Variants in ADTRP observed in about 807,000 individuals in gnomAD.
The protein encoded by ADTRP is androgen-dependent TFPI-regulating protein.
In ADTRP, 20 loss-of-function variants were observed where a neutral mutation model predicts 27.0. The observed-to-expected ratio is 0.74, with a 90% CI of 0.52 to 1.08. ADTRP has a LOEUF of 1.08. Among genes scored for constraint, ADTRP ranks in the 50% least tolerant of loss-of-function variants. ADTRP has a pLI of 0.00. For synonymous variants in ADTRP, 101 were observed against 105.2 expected, an observed-to-expected ratio of 0.96 and a Z score of 0.25; for missense variants, 251 against 275.0, an observed-to-expected ratio of 0.91 and a Z score of 0.62.
chr6:11,744,641 C>T (rs1046706616), intron 3 of ADTRP, among the ~76,000 whole-genome samples: 2 of 152,202 alleles, frequency 1.3e-5, no homozygotes, highest in African/African-American at 4.8e-5. Flanking sequence ...CATGCCCCTC[C>T]TCTTCATCAA....
rs779358203 is a variant in ADTRP at position 11,766,379 on chromosome 6, GAAAATAAAACACAA to G, written c.289-18_289-5del. ...TCCAGAATGCCAAAAATACAAACTG[GAAAATAAAACACAA>G]AAAATAGCATCATTAGGCTTGTTTT... On this transcript the variant is annotated splice_polypyrimidine_tract_variant and splice_region_variant and intron_variant, in intron 2 of 5. Coordinates refer to ENST00000414691, the MANE Select transcript of ADTRP (RefSeq NM_032744.4). 1 of 1,604,322 alleles carries G rather than the reference GAAAATAAAACACAA, an allele frequency of 6.2e-7. No individual in the cohort carries two copies. Among genetic ancestry groups the G allele is most frequent in the Non-Finnish European group, 8.5e-7 (1 of 1,173,316 alleles).
intron 5 of ADTRP, among the ~76,000 whole-genome samples, chr6:11,716,134 A>T (rs867612896): frequency 2.6e-5 from 4 of 152,212 alleles, no homozygotes; most frequent in African/African-American, 9.7e-5. Context: ...CAAGAGGGAC[A>T]ATATAAACTT....
At chr6:11,764,361 A>G (rs1763485903) in intron 3 of ADTRP, among the ~76,000 whole-genome samples, 3 of 152,216 alleles carry the variant, frequency 2.0e-5, no homozygotes, top group African/African-American at 7.2e-5. Context: ...AGTCATTGTG[A>G]AAAAAGCTAC....
intron 5 of ADTRP, among the ~76,000 whole-genome samples, chr6:11,721,275 C>A (rs921687429): frequency 2.6e-5 from 4 of 152,158 alleles, no homozygotes; most frequent in African/African-American, 9.7e-5. Flanking sequence ...GGAAAACCAG[C>A]AGTTTGGTGC....
At chr6:11,768,222 G>T in intron 2 of ADTRP, 27 bp downstream of exon 2, 1 of 1,613,392 alleles carries the variant, frequency 6.2e-7, no homozygotes, top group Non-Finnish European at 8.5e-7. Context: ...ATTTCTGTTA[G>T]ATTATGTACA....
At chr6:11,720,802 T>C (rs2113872075) in intron 5 of ADTRP, among the ~76,000 whole-genome samples, 1 of 152,274 alleles carries the variant, frequency 6.6e-6, no homozygotes, top group Admixed American at 6.5e-5. Flanking sequence ...CGCCTTGTCA[T>C]CACCCTCCTA....
Position 11,714,388 on chromosome 6 carries a change from C to T in ADTRP, c.*90G>A. The T allele has an allele frequency of 1.4e-6, 2 of 1,468,666 alleles. No individual in the cohort carries two copies. Among genetic ancestry groups the T allele is most frequent in the Non-Finnish European group, 1.9e-6 (2 of 1,075,374 alleles). 91.0% of individuals were successfully genotyped at this position (1,468,666 alleles called of 1,614,324 possible). ...TCCCTCCTACTTTGCTATGTTCCTC[C>T]ACCACCTCCCTCCACCAGAAAAAAA... On this transcript the variant is annotated 3_prime_UTR_variant, in exon 6 of 6. Coordinates refer to ENST00000414691, the MANE Select transcript of ADTRP (RefSeq NM_032744.4).
rs187945502 is a variant in ADTRP, at chr6:11,713,781, G to A, written c.*697C>T. 4 of 152,320 alleles carry A rather than the reference G, an allele frequency of 2.6e-5. No homozygotes were observed. In the East Asian group the frequency reaches 7.7e-4, roughly 29 times the overall value. 9.4% of individuals were successfully genotyped at this position (152,320 alleles called of 1,614,324 possible). The stretch of plus-strand genomic sequence containing the variant: ...ACCTGCCCTGAATGCTTGCTCAGAA[G>A]AGAAACAGATTTCCCAGTATTTTTT... On this transcript the variant is annotated 3_prime_UTR_variant, in exon 6 of 6. Coordinates refer to ENST00000414691, the MANE Select transcript of ADTRP (RefSeq NM_032744.4).
intron 4 of ADTRP, 72 bp downstream of exon 4, chr6:11,735,491 AACAGT>A: frequency 2.0e-6 from 2 of 1,004,982 alleles, no homozygotes; most frequent in Admixed American, 4.2e-5. Context: ...ATTCTGACAG[AACAGT>A]ACACATTTCT....
intron 3 of ADTRP, among the ~76,000 whole-genome samples, chr6:11,765,396 T>G (rs1171287608): frequency 2.0e-5 from 3 of 147,972 alleles, no homozygotes; most frequent in African/African-American, 5.0e-5. Flanking sequence ...GGTGCGATCT[T>G]GGCTCACTGC....
intron 1 of ADTRP, among the ~76,000 whole-genome samples, chr6:11,770,504 T>C (rs1763735686): frequency 1.3e-5 from 2 of 151,716 alleles, no homozygotes; most frequent in African/African-American, 4.8e-5. Context: ...GGTCCTTGTC[T>C]AAGGGACAGG....
intron 3 of ADTRP, among the ~76,000 whole-genome samples, chr6:11,764,997 T>G (rs1027280474): frequency 2.0e-5 from 3 of 150,904 alleles, no homozygotes; most frequent in African/African-American, 7.3e-5. Context: ...CAAGAAAAAG[T>G]TGAGAGGAGG....
chr6:11,733,423 T>G (rs1269761047), intron 4 of ADTRP, among the ~76,000 whole-genome samples: 1 of 151,872 alleles, frequency 6.6e-6, no homozygotes, highest in Non-Finnish European at 1.5e-5. Flanking sequence ...CCTCAGCTCC[T>G]CCAGCCCTTT....
chr6:11,769,754 A>G (rs1167679653), intron 1 of ADTRP, among the ~76,000 whole-genome samples: 1 of 152,170 alleles, frequency 6.6e-6, no homozygotes, highest in Non-Finnish European at 1.5e-5. Context: ...ATTTTTGGCC[A>G]ACCTTATTAA....
intron 4 of ADTRP, among the ~76,000 whole-genome samples, chr6:11,726,107 A>C (rs1380322163): frequency 6.6e-6 from 1 of 152,220 alleles, no homozygotes; most frequent in East Asian, 1.9e-4. Flanking sequence ...TCAACTTTGA[A>C]GACATGGTAA....
chr6:11,721,675 C>T (rs1400776616), intron 5 of ADTRP, among the ~76,000 whole-genome samples: 1 of 152,150 alleles, frequency 6.6e-6, no homozygotes, highest in Non-Finnish European at 1.5e-5. Context: ...TTACAATCGT[C>T]TCTTTCTACT....
At chr6:11,723,633 G>C (rs993788431) in intron 4 of ADTRP, 133 bp from the exon 5 acceptor site, 43 of 997,398 alleles carry the variant, frequency 4.3e-5, no homozygotes, top group Non-Finnish European at 6.0e-5. Flanking sequence ...AACAGCTGTA[G>C]TATTCCCACA....
rs1248568075 is a variant in ADTRP, at chr6:11,739,420, C to G, written c.391-3737G>C. On this transcript the variant is annotated intron_variant, in intron 3 of 5. Coordinates refer to ENST00000414691, the MANE Select transcript of ADTRP (RefSeq NM_032744.4). ...GCAACGGTTATAAAGAGATGTTCTT[C>G]TCCCATCCTTTTCTACTCAATTATA... is the stretch of plus-strand genomic sequence containing the variant. 7.2e-5 allele frequency among the ~76,000 whole-genome samples: 11 copies of G among 152,288 alleles called. No homozygotes were observed. In the East Asian group the frequency reaches 2.1e-3, roughly 29 times the overall value.
chr6:11,746,887 G>A (rs1006034904), intron 3 of ADTRP, among the ~76,000 whole-genome samples: 4 of 152,102 alleles, frequency 2.6e-5, no homozygotes, highest in African/African-American at 9.7e-5. Flanking sequence ...CCTGCTCAGC[G>A]GATTCTTGGA....
Sources: gnomAD v4.1 joint callset for allele counts (sites outside exome capture counted in the v4.1 genomes callset) on GRCh38, gnomAD v4.1.1 for gene constraint, MANE v1.5 for transcripts, NCBI Gene and HGNC (gene_info 2026-07-23, HGNC 2026-07-21) for gene names.